The following SYT9 variants were observed in gnomAD, a reference collection of about 807,000 sequenced individuals.
The protein encoded by SYT9 is synaptotagmin-9.
In SYT9, 22 loss-of-function variants were observed where a neutral mutation model predicts 48.4. That is an observed-to-expected ratio of 0.45 (90% CI 0.32 to 0.65). SYT9 has a LOEUF of 0.65. Ranked by LOEUF, SYT9 falls within the 30% of genes least tolerant of loss-of-function variation. The pLI is 0.03. For synonymous variants in SYT9, 265 were observed against 245.0 expected (o/e 1.08, Z -0.76); for missense variants, 577 against 622.0 (o/e 0.93, Z 0.77).
At chr11:7,465,746 G>A (rs1487134560) in intron 6 of SYT9, 2 of 167,672 alleles carry the variant, frequency 1.2e-5, no homozygotes, top group East Asian at 1.7e-4. Context: ...GGTTTAACTG[G>A]ACTTACAGTT....
rs34752256 is a variant in SYT9 at position 7,348,688 on chromosome 11, C to CTTTTTTTT, written c.1044+34769_1044+34776dup. On this transcript the variant is annotated intron_variant, in intron 3 of 6. Coordinates refer to ENST00000318881, the MANE Select transcript of SYT9 (RefSeq NM_175733.4). ...CCAGGTATCAGAGCCATCAGACCTC[C>CTTTTTTTT]TTTTTTTTTTTTTTTTTTTTTTTTT... 7.5e-3 allele frequency among the ~76,000 whole-genome samples: 352 copies of CTTTTTTTT among 47,092 alleles called. 33 individuals carry two copies. Among genetic ancestry groups the CTTTTTTTT allele is most frequent in the East Asian group, 0.01 (14 of 1,350 alleles). 30.9% of individuals were successfully genotyped at this position (47,092 alleles called of 152,430 possible).
chr11:7,321,378 G>T (rs766339584), intron 3 of SYT9, among the ~76,000 whole-genome samples: 4 of 152,190 alleles, frequency 2.6e-5, no homozygotes, highest in African/African-American at 9.6e-5. Context: ...CAGGCAGGGG[G>T]AATATAAGTA....
chr11:7,427,003 T>A (rs1847471136), intron 6 of SYT9, among the ~76,000 whole-genome samples: 1 of 152,298 alleles, frequency 6.6e-6, no homozygotes, highest in Non-Finnish European at 1.5e-5. Flanking sequence ...CAAGAATATA[T>A]GGCGTTTATT....
At chr11:7,403,136 T>C (rs1846930587) in intron 3 of SYT9, among the ~76,000 whole-genome samples, 1 of 152,238 alleles carries the variant, frequency 6.6e-6, no homozygotes, top group South Asian at 2.1e-4. Flanking sequence ...TATTTAGTGC[T>C]GTAAATTTCC....
Position 7,252,220 on chromosome 11 carries a change from G to A in SYT9, c.34G>A (p.Ala12Thr). 1 of 1,491,008 alleles carries A rather than the reference G, an allele frequency of 6.7e-7. No individual in the cohort carries two copies. Among genetic ancestry groups the A allele is most frequent in the Non-Finnish European group, 8.9e-7 (1 of 1,121,294 alleles). 92.4% of individuals were successfully genotyped at this position (1,491,008 alleles called of 1,614,324 possible). A position where few individuals can be genotyped will look rare whatever the true frequency, so the allele number is the denominator to read the frequency against. Residue 12 changes from alanine (A) to threonine (T), a missense_variant, in exon 1 of 7, where the codon GCG becomes ACG. Transcript: ENST00000318881. This position sits in a 1 kb window ranked among gnomAD's most constrained non-coding sequence, Gnocchi z 6.3. ...GGCCAGGGACGCGCTCTGTCACCAG[G>A]CGCTGCAGCTGCTGGCCGAGCTCTG... ...PGARDALCHQ[A>T]LQLLAELCAR...
intron 3 of SYT9, among the ~76,000 whole-genome samples, chr11:7,387,812 G>A (rs1325247363): frequency 6.6e-6 from 1 of 152,070 alleles, no homozygotes; most frequent in Non-Finnish European, 1.5e-5. Flanking sequence ...CTTATGGGCA[G>A]TTAAGTTGTT....
Position 7,313,888 on chromosome 11 carries a change from G to T in SYT9, c.991G>T (p.Ala331Ser). 2 of 1,614,000 alleles carry T rather than the reference G, an allele frequency of 1.2e-6. No homozygotes were observed. Among genetic ancestry groups the T allele is most frequent in the Non-Finnish European group, 1.7e-6 (2 of 1,179,972 alleles). The change falls in exon 3 of 7, where the codon GCT becomes TCT. Residue 331 changes from alanine to serine, a missense_variant. By Grantham distance (99) the Ala-to-Ser change is moderately conservative. Transcript: ENST00000318881. ...GGTGGTGGATCACTTCCTAGACTTG[G>T]CTGATTTCCCCAGGGAGTGCATCCT... ...QVVVDHFLDL[A>S]DFPRECILWK...
chr11:7,268,410 A>G (rs1848231317), intron 1 of SYT9, among the ~76,000 whole-genome samples: 1 of 152,024 alleles, frequency 6.6e-6, no homozygotes. Flanking sequence ...TTGTGAGGCT[A>G]GTATCACACT....
At chr11:7,270,150 T>C (rs781460021) in intron 1 of SYT9, among the ~76,000 whole-genome samples, 2 of 152,204 alleles carry the variant, frequency 1.3e-5, no homozygotes, top group Non-Finnish European at 2.9e-5. Context: ...ACTCCTTAAA[T>C]GTACAATAAT....
At chr11:7,250,271 C>G (rs557180632), upstream of SYT9, among the ~76,000 whole-genome samples, 3 of 152,340 alleles carry the variant, frequency 2.0e-5, no homozygotes, top group South Asian at 6.2e-4. Flanking sequence ...ATGTTTCTAG[C>G]AATCAGCTAA....
intron 3 of SYT9, among the ~76,000 whole-genome samples, chr11:7,405,092 T>TAAAAAAAA (rs10706521): frequency 7.7e-6 from 1 of 130,304 alleles, no homozygotes. Flanking sequence ...CTGTCAAGGT[T>TAAAAAAAA]AAAAAAAAAA....
At chr11:7,266,024 TGAG>T (rs1404634805) in intron 1 of SYT9, among the ~76,000 whole-genome samples, 1 of 152,096 alleles carries the variant, frequency 6.6e-6, no homozygotes, top group East Asian at 1.9e-4. Context: ...TGGACAAGAA[TGAG>T]GAGGCCACAT....
intron 6 of SYT9, among the ~76,000 whole-genome samples, chr11:7,462,791 G>T (rs150481457): frequency 3.9e-5 from 6 of 152,250 alleles, no homozygotes; most frequent in African/African-American, 1.4e-4. Context: ...AAGCTTCTTA[G>T]TTCAGAGCCC....
upstream of SYT9, among the ~76,000 whole-genome samples, chr11:7,248,042 G>A (rs1394820630): frequency 2.6e-5 from 4 of 151,980 alleles, no homozygotes; most frequent in South Asian, 2.1e-4. Context: ...AGGTGGTATC[G>A]CATTGTGCTT....
At chr11:7,406,593 C>T (rs1052363249) in intron 3 of SYT9, among the ~76,000 whole-genome samples, 13 of 131,536 alleles carry the variant, frequency 9.9e-5, no homozygotes, top group African/African-American at 2.0e-4. Flanking sequence ...TTAATTTGTC[C>T]GTCGATGGAC....
chr11:7,309,733 G>A (rs1003609650), intron 2 of SYT9, among the ~76,000 whole-genome samples: 1 of 151,926 alleles, frequency 6.6e-6, no homozygotes, highest in East Asian at 1.9e-4. Context: ...TCTCCTTTAC[G>A]CCCCTGGGGC....
chr11:7,264,014 T>A (rs1253201919), intron 1 of SYT9, among the ~76,000 whole-genome samples: 1 of 151,994 alleles, frequency 6.6e-6, no homozygotes, highest in Non-Finnish European at 1.5e-5. Context: ...CTGAGTAGGT[T>A]GAGTAGGTGG....
chr11:7,336,413 C>T (rs908067525), intron 3 of SYT9, among the ~76,000 whole-genome samples: 2 of 152,080 alleles, frequency 1.3e-5, no homozygotes, highest in Non-Finnish European at 2.9e-5. Context: ...TAAATATTTG[C>T]CATTTCTATG....
At chr11:7,260,993 T>C (rs567353149) in intron 1 of SYT9, among the ~76,000 whole-genome samples, 2 of 152,304 alleles carry the variant, frequency 1.3e-5, no homozygotes, top group South Asian at 2.1e-4. Flanking sequence ...TCTGAAGTTA[T>C]AGGGCCCAAG....
Sources: allele counts gnomAD v4.1 joint callset (sites outside exome capture counted in the v4.1 genomes callset), GRCh38; gene constraint gnomAD v4.1.1; non-coding constraint Gnocchi (gnomAD v3.1); transcripts MANE v1.5; gene names NCBI Gene and HGNC (gene_info 2026-07-23, HGNC 2026-07-21).